BEST4: variants seen among roughly 807,000 people sequenced by gnomAD.
The protein encoded by BEST4 is bestrophin-4.
A neutral mutation model predicts 47.1 loss-of-function variants in BEST4; 36 were observed. That is an observed-to-expected ratio of 0.76 (90% CI 0.59 to 1.01). The LOEUF (loss-of-function observed/expected upper bound fraction) is 1.01, where lower values mean the gene tolerates loss of function less well. BEST4 is among the 50% of genes least tolerant of loss of function. The probability of loss-of-function intolerance (pLI) is 0.00; values close to 1 mark genes in which losing one functional copy is unlikely to be tolerated. For synonymous variants in BEST4, 250 were observed against 277.8 expected, an observed-to-expected ratio of 0.90 and a Z score of 1.00; for missense variants, 550 against 648.6, an observed-to-expected ratio of 0.85 and a Z score of 1.65.
At chr1:44,785,972 G>A in intron 4 of BEST4, 102 bp downstream of exon 4, 3 of 1,427,172 alleles carry the variant, frequency 2.1e-6, no homozygotes, top group Non-Finnish European at 2.8e-6. Flanking sequence ...AAAAGGCTGG[G>A]GTACACAGCT....
At chr1:44,789,933 G>A (rs1651367725), upstream of BEST4, among the ~76,000 whole-genome samples, 1 of 152,160 alleles carries the variant, frequency 6.6e-6, no homozygotes. Flanking sequence ...TAGGAGCACA[G>A]GCTTGGGAAT....
rs1182068056 is a variant in BEST4 at position 44,784,401 on chromosome 1, A to G, written c.1231T>C (p.Leu411=). Residue 411 remains leucine, a synonymous_variant, in exon 9 of 9, where the codon TTG becomes CTG. Coordinates refer to ENST00000372207, the MANE Select transcript of BEST4 (RefSeq NM_153274.3). This position sits in a 1 kb window ranked among gnomAD's most constrained non-coding sequence, Gnocchi z 6.2. ...GRPAPAAQTP[L]LGRFLGVGAP... ...CCTACGCCCAGGAAGCGGCCGAGCAACGGGGTCTGCGCGGCGGGCGCGGGC... is the reference window on the plus strand; with the variant it reads ...CCTACGCCCAGGAAGCGGCCGAGCAGCGGGGTCTGCGCGGCGGGCGCGGGC... 2 of 1,403,824 alleles carry G rather than the reference A, an allele frequency of 1.4e-6. No homozygotes were observed. Among genetic ancestry groups the G allele is most frequent in the Non-Finnish European group, 1.8e-6 (2 of 1,090,400 alleles). The allele number at this position is 1,403,824 out of a possible 1,614,324, so 87.0% of individuals were successfully genotyped here.
At chr1:44,783,374 G>A (rs917460819), downstream of BEST4, among the ~76,000 whole-genome samples, 10 of 126,956 alleles carry the variant, frequency 7.9e-5, no homozygotes, top group Admixed American at 1.5e-4. Context: ...TGGTGGCAGT[G>A]GAGAAGAGCT....
chr1:44,791,981 G>A (rs1651422327), upstream of BEST4, among the ~76,000 whole-genome samples: 2 of 152,146 alleles, frequency 1.3e-5, no homozygotes, highest in Admixed American at 6.5e-5. Context: ...GGTAGCTCAC[G>A]CCTGTAATCC....
At chr1:44,791,964 C>T (rs370885162), upstream of BEST4, among the ~76,000 whole-genome samples, 3 of 152,254 alleles carry the variant, frequency 2.0e-5, no homozygotes, top group South Asian at 4.1e-4. Context: ...CATGAGAGGC[C>T]GGGTGCGGTA....
At position 44,786,249 on chromosome 1, in the gene BEST4, G is replaced by A. The variant is rs773259775; in HGVS notation, c.482-21C>T. On this transcript the variant is annotated intron_variant, in intron 3 of 8. Transcript: ENST00000372207. The surrounding 1 kb of genome is among the most constrained non-coding windows in gnomAD (Gnocchi z 4.9). ...GAAACCTGAGGGGGTAAAGCAGGTG[G>A]GGTGCAGTTGCACCCTCTGCCGCCA... The A allele has an allele frequency of 6.3e-7, 1 of 1,598,402 alleles. No individual in the cohort carries two copies. Among genetic ancestry groups the A allele is most frequent in the South Asian group, 1.1e-5 (1 of 88,928 alleles).
upstream of BEST4, among the ~76,000 whole-genome samples, chr1:44,792,354 G>A (rs1651433887): frequency 6.6e-6 from 1 of 151,072 alleles, no homozygotes; most frequent in South Asian, 2.1e-4. Context: ...TTGAACCTGG[G>A]AGGTGGAGGT....
chr1:44,787,827 A>G lies in BEST4; in HGVS notation c.-122T>C. On this transcript the variant is annotated 5_prime_UTR_variant, in exon 1 of 9. Coordinates refer to ENST00000372207, the MANE Select transcript of BEST4 (RefSeq NM_153274.3). ...CCCAGCCTTCACCCTGCGTCAGTGG[A>G]CAAGGGGGTAGGAGCCTGCAGAGCA... 1.6e-6 allele frequency: 2 copies of G among 1,217,780 alleles called. No individual in the cohort carries two copies. Among genetic ancestry groups the G allele is most frequent in the Non-Finnish European group, 2.3e-6 (2 of 867,368 alleles). The allele number at this position is 1,217,780 out of a possible 1,614,324, so 75.4% of individuals were successfully genotyped here. A position where few individuals can be genotyped will look rare whatever the true frequency, so the allele number is the denominator to read the frequency against.
Position 44,786,517 on chromosome 1 carries a change from C to G in BEST4, c.427G>C (p.Val143Leu). The change falls in exon 3 of 9, where the codon GTC (valine) becomes CTC (leucine). Residue 143 changes from valine (V) to leucine (L), a missense_variant. Physicochemically the swap from Val to Leu is conservative, Grantham distance 32. This residue lies in a region of BEST4 where 291 missense variants were observed against 342.4 expected (regional missense o/e 0.85). Transcript: ENST00000372207. The surrounding 1 kb of genome is among the most constrained non-coding windows in gnomAD (Gnocchi z 4.9). ...AAGCGCTTAAGCACGCGGGTGCTGA[C>G]CGAGCGCAGCACCAGCACGGACGCC... ...NLASVLVLRS[V>L]STRVLKRFPT... The G allele has an allele frequency of 6.5e-7, 1 of 1,548,364 alleles. No individual in the cohort carries two copies. The highest frequency in any genetic ancestry group is 8.7e-7 in the Non-Finnish European group (1 of 1,147,210).
chr1:44,791,636 C>A (rs1651414799), upstream of BEST4, among the ~76,000 whole-genome samples: 1 of 152,038 alleles, frequency 6.6e-6, no homozygotes, highest in Non-Finnish European at 1.5e-5. Context: ...CCCACCCAGT[C>A]CCTACCTCCT....
rs368354581 is a variant in BEST4 at position 44,786,233 on chromosome 1, G to T, written c.482-5C>A. 6.2e-7 allele frequency: 1 copy of T among 1,611,114 alleles called. No individual in the cohort carries two copies. Among genetic ancestry groups the T allele is most frequent in the South Asian group, 1.1e-5 (1 of 90,676 alleles). ...TCTCTTCCTGGGACATGAAACCTGA[G>T]GGGGTAAAGCAGGTGGGGTGCAGTT... On this transcript the variant is annotated splice_polypyrimidine_tract_variant and splice_region_variant and intron_variant, in intron 3 of 8. Transcript: ENST00000372207. The surrounding 1 kb of genome is among the most constrained non-coding windows in gnomAD (Gnocchi z 4.9).
In BEST4 at chr1:44,784,865, C is replaced by G. The variant is rs375787125; in HGVS notation, c.993+40G>C. On this transcript the variant is annotated intron_variant, in intron 7 of 8. Coordinates refer to ENST00000372207, the MANE Select transcript of BEST4 (RefSeq NM_153274.3). This position sits in a 1 kb window ranked among gnomAD's most constrained non-coding sequence, Gnocchi z 6.2. ...TGAGAGCTGACCGGGAGAGGGGGCC[C>G]AGGAGCTGCCCTGGACTCCTGATCC... The G allele has an allele frequency of 6.2e-7, 1 of 1,612,670 alleles. No individual in the cohort carries two copies.
chr1:44,789,018 C>A (rs566762965), upstream of BEST4, among the ~76,000 whole-genome samples: 216 of 152,142 alleles, frequency 1.4e-3, no homozygotes, highest in Non-Finnish European at 2.4e-3. Flanking sequence ...TTTGGGCAGC[C>A]TCAACGCAGG....
At chr1:44,792,587 A>G (rs1219006549), upstream of BEST4, among the ~76,000 whole-genome samples, 1 of 152,074 alleles carries the variant, frequency 6.6e-6, no homozygotes, top group Admixed American at 6.6e-5. Flanking sequence ...CTCTTATTTC[A>G]GGTTGGCTTT....
Position 44,784,306 on chromosome 1 carries a change from C to A in BEST4, c.1326G>T (p.Leu442=). 7.1e-7 allele frequency: 1 copy of A among 1,405,126 alleles called. No individual in the cohort carries two copies. The highest frequency in any genetic ancestry group is 9.2e-7 in the Non-Finnish European group (1 of 1,091,458). The allele number at this position is 1,405,126 out of a possible 1,614,324, so 87.0% of individuals were successfully genotyped here. A position where few individuals can be genotyped will look rare whatever the true frequency, so the allele number is the denominator to read the frequency against. Residue 442 remains leucine (L), a synonymous_variant, in exon 9 of 9, where the codon CTG becomes CTT. Transcript: ENST00000372207. This position sits in a 1 kb window ranked among gnomAD's most constrained non-coding sequence, Gnocchi z 6.2. Reference sequence around the variant, plus strand: ...CGCCCTCCTCCGCCCGGAAGCGCAGCAGATGCGGGGGGCGGGGGGTGCCTC... The same window carrying A: ...CGCCCTCCTCCGCCCGGAAGCGCAGAAGATGCGGGGGGCGGGGGGTGCCTC... ...RVRGTPRPPH[L]LRFRAEEGGD...
rs1039609390 is a variant in BEST4 at position 44,784,432 on chromosome 1, A to G, written c.1200T>C (p.Ser400=). The change falls in exon 9 of 9, where the codon TCT becomes TCC. Residue 400 remains serine, a synonymous_variant. Transcript: ENST00000372207. This position sits in a 1 kb window ranked among gnomAD's most constrained non-coding sequence, Gnocchi z 6.2. The stretch of plus-strand genomic sequence containing the variant: ...TCTGCGCGGCGGGCGCGGGCCGACC[A>G]GATCCGGGGGACGCCTCCACCTGCA... ...QSLQVEASPG[S]GRPAPAAQTP... is the part of the protein sequence containing the mutation. The G allele has an allele frequency of 1.9e-5, 27 of 1,406,504 alleles. No homozygotes were observed. In the African/African-American group the frequency reaches 3.7e-4, roughly 19 times the overall value. 87.1% of individuals were successfully genotyped at this position (1,406,504 alleles called of 1,614,324 possible). A position where few individuals can be genotyped will look rare whatever the true frequency, so the allele number is the denominator to read the frequency against.
At position 44,785,966 on chromosome 1, in the gene BEST4, G is replaced by A. The variant is rs1360484790; in HGVS notation, c.636+108C>T. 2.1e-6 allele frequency: 3 copies of A among 1,402,110 alleles called. No individual in the cohort carries two copies. The East Asian group carries it at 7.0e-5, about 33-fold the overall frequency. The allele number at this position is 1,402,110 out of a possible 1,614,324, so 86.9% of individuals were successfully genotyped here. ...TAACATGGGTACAGGGCTTCCAAAA[G>A]GCTGGGGTACACAGCTGATGCCATA... On this transcript the variant is annotated intron_variant, in intron 4 of 8. Transcript: ENST00000372207.
chr1:44,791,259 T>A (rs559620713), upstream of BEST4, among the ~76,000 whole-genome samples: 1 of 152,176 alleles, frequency 6.6e-6, no homozygotes, highest in South Asian at 2.1e-4. Context: ...TGTGTCTGTG[T>A]GTGTCCAGGA....
At position 44,786,768 on chromosome 1, in the gene BEST4, C is replaced by T. The variant is rs1651256368; in HGVS notation, c.248-72G>A. The T allele has an allele frequency of 1.6e-6, 2 of 1,224,602 alleles. No homozygotes were observed. The highest frequency in any genetic ancestry group is 1.5e-5 in the African/African-American group (1 of 66,382). 75.9% of individuals were successfully genotyped at this position (1,224,602 alleles called of 1,614,324 possible). On this transcript the variant is annotated intron_variant, in intron 2 of 8. Coordinates refer to ENST00000372207, the MANE Select transcript of BEST4 (RefSeq NM_153274.3). This position sits in a 1 kb window ranked among gnomAD's most constrained non-coding sequence, Gnocchi z 4.9. Reference sequence around the variant, plus strand: ...CCTGGGGGTCGGAGCGCCTCACCTCCCCCAGCAAAGGGCCTGGTCCAGGCC... The same window carrying T: ...CCTGGGGGTCGGAGCGCCTCACCTCTCCCAGCAAAGGGCCTGGTCCAGGCC...
Sources: allele counts gnomAD v4.1 joint callset (sites outside exome capture counted in the v4.1 genomes callset), GRCh38; gene constraint gnomAD v4.1.1; regional missense constraint gnomAD v4.1.1; non-coding constraint Gnocchi (gnomAD v3.1); transcripts MANE v1.5; gene names NCBI Gene and HGNC (gene_info 2026-07-23, HGNC 2026-07-21).